The following PCSK7 variants were observed in gnomAD, a reference collection of about 807,000 sequenced individuals.
PCSK7 encodes the protein lymphoma proprotein convertase.
PCSK7 carries 38 observed loss-of-function variants against 73.3 expected under a neutral mutation model. The ratio of observed to expected loss-of-function variants is 0.52; its 90% CI spans 0.40 to 0.68. PCSK7 has a LOEUF of 0.68. Among genes scored for constraint, PCSK7 ranks in the 30% least tolerant of loss-of-function variants. The pLI is 0.00. For synonymous variants in PCSK7, 296 were observed against 383.8 expected, an observed-to-expected ratio of 0.77 and a Z score of 2.68; for missense variants, 692 against 991.5, an observed-to-expected ratio of 0.70 and a Z score of 4.06.
Position 117,219,687 on chromosome 11 carries a change from C to T in PCSK7, c.1227G>A (p.Ala409=). Reference sequence around the variant, plus strand: ...AGGCTATCATGCCAGCTGCCAGAGGCGCTGCAGCTGAGGTCCCTGTGTGGC... The same window carrying T: ...AGGCTATCATGCCAGCTGCCAGAGGTGCTGCAGCTGAGGTCCCTGTGTGGC... ...TEGHTGTSAA[A]PLAAGMIALM... Residue 409 remains alanine, a synonymous_variant, in exon 10 of 17, where the codon GCG becomes GCA. Transcript: ENST00000320934. 8 of 1,611,826 alleles carry T rather than the reference C, an allele frequency of 5.0e-6. No individual in the cohort carries two copies. The East Asian group carries it at 6.7e-5, about 14-fold the overall frequency.
intron 4 of PCSK7, among the ~76,000 whole-genome samples, chr11:117,227,550 C>T (rs2032478501): frequency 1.3e-5 from 2 of 152,218 alleles, no homozygotes; most frequent in Non-Finnish European, 2.9e-5. Flanking sequence ...TCAAGCGATT[C>T]TTCTGCCTCA....
At chr11:117,225,073 T>TC in intron 6 of PCSK7, 1 of 235,096 alleles carries the variant, frequency 4.3e-6, no homozygotes. Context: ...TTTTTTTTTT[T>TC]TCTCCTGAAA....
rs560196033 is a variant in PCSK7, at chr11:117,231,501, T to C, written c.-133+526A>G. ...CAGACAGTGGCCCCGCTAGGCAGAC[T>C]CCTTCAGACTCAGTAGATCCCACCA... On this transcript the variant is annotated intron_variant, in intron 1 of 16. Transcript: ENST00000320934. Among the ~76,000 whole-genome samples, 14 of 152,228 alleles carry C rather than the reference T, an allele frequency of 9.2e-5. No individual in the cohort carries two copies. In the South Asian group the frequency reaches 2.3e-3, roughly 25 times the overall value.
chr11:117,231,925 G>T, intron 1 of PCSK7, 102 bp downstream of exon 1: 1 of 153,122 alleles, frequency 6.5e-6, no homozygotes, highest in Non-Finnish European at 1.5e-5. Flanking sequence ...CAGGACCTCA[G>T]GCACCCTCTG....
Position 117,218,648 on chromosome 11 carries a change from G to A in PCSK7, c.1432-80C>T, listed in dbSNP as rs1480154754. On this transcript the variant is annotated intron_variant, in intron 11 of 16. Coordinates refer to ENST00000320934, the MANE Select transcript of PCSK7 (RefSeq NM_004716.4). This position sits in a 1 kb window ranked among gnomAD's most constrained non-coding sequence, Gnocchi z 4.0. ...CATTCTCACAAACACACACGCCCTTGTCAATACGATCTTGAAGGTTTAGCT... is the reference window on the plus strand; with the variant it reads ...CATTCTCACAAACACACACGCCCTTATCAATACGATCTTGAAGGTTTAGCT... The A allele has an allele frequency of 5.4e-6, 4 of 742,090 alleles. No individual in the cohort carries two copies. The highest frequency in any genetic ancestry group is 3.5e-5 in the African/African-American group (2 of 56,844). 46.0% of individuals were successfully genotyped at this position (742,090 alleles called of 1,614,324 possible).
intron 12 of PCSK7, chr11:117,210,935 CA>C (rs1404750892): frequency 9.7e-5 from 14 of 144,482 alleles, no homozygotes; most frequent in Non-Finnish European, 1.1e-4. Flanking sequence ...GAGCCTGTCT[CA>C]AAAAAAAAAA....
Position 117,224,423 on chromosome 11 carries a change from A to T in PCSK7, c.916-207T>A, listed in dbSNP as rs147004182. ...ATGTGGGGCAGCTGTGAGTTGAATG[A>T]TGACTGATGGACACCCTCTGCTTAT... On this transcript the variant is annotated intron_variant, in intron 7 of 16. Transcript: ENST00000320934. Among the ~76,000 whole-genome samples the T allele has an allele frequency of 6.7e-3, 1,016 of 152,234 alleles. 7 individuals carry two copies. The highest frequency in any genetic ancestry group is 0.023 in the African/African-American group (952 of 41,530).
chr11:117,227,236 C>T lies in PCSK7; in HGVS notation c.690G>A (p.Thr230=), dbSNP rs2306473. ...CAGCCGCGATCTCTCCTGCACATCGCGTGCCATGGTGGTTGCCATTCTCCA... is the reference window on the plus strand; with the variant it reads ...CAGCCGCGATCTCTCCTGCACATCGTGTGCCATGGTGGTTGCCATTCTCCA... ...PDVENGNHHG[T]RCAGEIAAVP... Residue 230 remains threonine, a synonymous_variant, in exon 5 of 17, where the codon ACG becomes ACA. Coordinates refer to ENST00000320934, the MANE Select transcript of PCSK7 (RefSeq NM_004716.4). 0.17 allele frequency: 274,903 copies of T among 1,613,300 alleles called. 25,857 individuals are homozygous for T. The highest frequency in any genetic ancestry group is 0.36 in the African/African-American group (26,955 of 74,894).
At chr11:117,224,935 A>T in intron 6 of PCSK7, 180 bp from the exon 7 acceptor site, 2 of 613,776 alleles carry the variant, frequency 3.3e-6, no homozygotes, top group Admixed American at 5.7e-5. Flanking sequence ...CCCTCTCCAA[A>T]GTGGAAAACA....
intron 4 of PCSK7, 21 bp from the exon 5 acceptor site, chr11:117,227,343 CAT>C (rs780648196): frequency 1.1e-5 from 17 of 1,602,070 alleles, no homozygotes; most frequent in African/African-American, 6.7e-5. Context: ...TTGGAGGTGA[CAT>C]GTGGTCATTC....
At chr11:117,230,809 T>C (rs1489590007) in intron 1 of PCSK7, among the ~76,000 whole-genome samples, 1 of 152,262 alleles carries the variant, frequency 6.6e-6, no homozygotes, top group Admixed American at 6.5e-5. Context: ...CCCAGAAGGA[T>C]ACCAGGGAAA....
At chr11:117,227,856 G>A (rs563349879) in intron 4 of PCSK7, among the ~76,000 whole-genome samples, 14 of 152,300 alleles carry the variant, frequency 9.2e-5, no homozygotes, top group African/African-American at 3.1e-4. Flanking sequence ...CCCATTATGC[G>A]AATGTGCCTA....
chr11:117,225,147 C>T (rs897884005), intron 6 of PCSK7: 1 of 165,582 alleles, frequency 6.0e-6, no homozygotes, highest in African/African-American at 2.4e-5. Flanking sequence ...CTGCCACCTC[C>T]ACCTCCCAGG....
chr11:117,226,235 C>G, intron 5 of PCSK7: 2 of 557,016 alleles, frequency 3.6e-6, no homozygotes, highest in Non-Finnish European at 6.4e-6. Flanking sequence ...CTCCTGGGTT[C>G]AAGCGATTGT....
rs1448723565 is a variant in PCSK7 at position 117,209,031 on chromosome 11, C to T, written c.1557G>A (p.Met519Ile). Reference sequence around the variant, plus strand: ...CATGCTCCAGGGTCTTCAGCCCTGACATCTCCAGGTCCATCCTGCTGACTG... The same window carrying T: ...CATGCTCCAGGGTCTTCAGCCCTGATATCTCCAGGTCCATCCTGCTGACTG... ...LWNVSRMDLE[M>I]SGLKTLEHVA... Residue 519 changes from methionine to isoleucine, a missense_variant, in exon 13 of 17, where the codon ATG (methionine) becomes ATA (isoleucine). By Grantham distance (10) the Met-to-Ile change is conservative (BLOSUM62 1). Coordinates refer to ENST00000320934, the MANE Select transcript of PCSK7 (RefSeq NM_004716.4). The T allele has an allele frequency of 6.3e-7, 1 of 1,590,572 alleles. No individual in the cohort carries two copies. The highest frequency in any genetic ancestry group is 8.6e-7 in the Non-Finnish European group (1 of 1,166,044).
intron 7 of PCSK7, 68 bp from the exon 8 acceptor site, chr11:117,224,284 T>A (rs1427184361): frequency 2.9e-5 from 44 of 1,521,384 alleles, no homozygotes; most frequent in Non-Finnish European, 3.9e-5. Flanking sequence ...ACCACATCAG[T>A]CACCCTCTCC....
Position 117,218,659 on chromosome 11 carries a change from C to A in PCSK7, c.1432-91G>T. ...ACACACACGCCCTTGTCAATACGATCTTGAAGGTTTAGCTGTCTTTATTTT... is the reference window on the plus strand; with the variant it reads ...ACACACACGCCCTTGTCAATACGATATTGAAGGTTTAGCTGTCTTTATTTT... On this transcript the variant is annotated intron_variant, in intron 11 of 16. Transcript: ENST00000320934. The surrounding 1 kb of genome is among the most constrained non-coding windows in gnomAD (Gnocchi z 4.0). The A allele has an allele frequency of 1.4e-6, 1 of 706,852 alleles. No homozygotes were observed. The highest frequency in any genetic ancestry group is 2.4e-6 in the Non-Finnish European group (1 of 415,658). 43.8% of individuals were successfully genotyped at this position (706,852 alleles called of 1,614,324 possible).
At chr11:117,226,303 T>G in intron 5 of PCSK7, 1 of 398,386 alleles carries the variant, frequency 2.5e-6, no homozygotes. Context: ...ACCCGGCTAA[T>G]TTTTGTATTT....
At chr11:117,209,457 A>C (rs2031613811) in intron 12 of PCSK7, 1 of 195,092 alleles carries the variant, frequency 5.1e-6, no homozygotes, top group Non-Finnish European at 1.0e-5. Context: ...CATAATTGAT[A>C]AGGGAAGAGA....
Sources: gnomAD v4.1 joint callset for allele counts (sites outside exome capture counted in the v4.1 genomes callset) on GRCh38, gnomAD v4.1.1 for gene constraint, Gnocchi (gnomAD v3.1) non-coding constraint, MANE v1.5 for transcripts, NCBI Gene and HGNC (gene_info 2026-07-23, HGNC 2026-07-21) for gene names.